Variants in RANBP3 observed in about 807,000 individuals in gnomAD.
The protein encoded by RANBP3 is ran-binding protein 3.
RANBP3 carries 14 observed loss-of-function variants against 77.3 expected under a neutral mutation model. The observed-to-expected ratio is 0.18, with a 90% CI of 0.12 to 0.28. The LOEUF is 0.28. Among genes scored for constraint, RANBP3 ranks in the 10% least tolerant of loss-of-function variants. RANBP3 has a pLI of 1.00. For synonymous variants in RANBP3, 315 were observed against 312.4 expected, an observed-to-expected ratio of 1.01 and a Z score of -0.09; for missense variants, 586 against 752.3, an observed-to-expected ratio of 0.78 and a Z score of 2.59.
rs1387099991 is a variant in RANBP3, at chr19:5,959,921, C to T, written c.23-1948G>A. Among the ~76,000 whole-genome samples, 1 of 152,178 alleles carries T rather than the reference C, an allele frequency of 6.6e-6. No individual in the cohort carries two copies. Among genetic ancestry groups the T allele is most frequent in the Non-Finnish European group, 1.5e-5 (1 of 68,032 alleles). On this transcript the variant is annotated intron_variant, in intron 1 of 16. Coordinates refer to ENST00000340578, the MANE Select transcript of RANBP3 (RefSeq NM_007322.3). The surrounding 1 kb of genome is among the most constrained non-coding windows in gnomAD (Gnocchi z 5.1). ...TTTAGGGAGCTACCCACCCCTCGTC[C>T]CCCTGTCCCCCAGTTCAGATGGAGC...
At chr19:5,939,509 A>G (rs2058106916) in intron 5 of RANBP3, among the ~76,000 whole-genome samples, 1 of 152,214 alleles carries the variant, frequency 6.6e-6, no homozygotes, top group South Asian at 2.1e-4. Context: ...GCCGGGGCTC[A>G]CTTGGCTCTG....
Position 5,952,520 on chromosome 19 carries a change from A to G in RANBP3, c.79-924T>C, listed in dbSNP as rs1019736561. 6.6e-6 allele frequency among the ~76,000 whole-genome samples: 1 copy of G among 152,106 alleles called. No individual in the cohort carries two copies. Among genetic ancestry groups the G allele is most frequent in the Non-Finnish European group, 1.5e-5 (1 of 68,030 alleles). On this transcript the variant is annotated intron_variant, in intron 2 of 16. Coordinates refer to ENST00000340578, the MANE Select transcript of RANBP3 (RefSeq NM_007322.3). The surrounding 1 kb of genome is among the most constrained non-coding windows in gnomAD (Gnocchi z 4.1). ...ATGGGTTAAACACCTGGTGTCCTAA[A>G]ACAGACTCCAGTCCCCAAACCTCCC...
Position 5,925,030 on chromosome 19 carries a change from C to T in RANBP3, c.918-125G>A, listed in dbSNP as rs956307610. 1.2e-4 allele frequency: 99 copies of T among 853,094 alleles called. No individual in the cohort carries two copies. In the Admixed American group the frequency reaches 1.2e-3, roughly 10 times the overall value. The allele number at this position is 853,094 out of a possible 1,614,324, so 52.8% of individuals were successfully genotyped here. On this transcript the variant is annotated intron_variant, in intron 10 of 16. Transcript: ENST00000340578. ...GTGGAGGGGCCTCCGCCACTGTGCA[C>T]GGGGTGGCGTGTCAGAGGCAGGAAG...
Position 5,918,654 on chromosome 19 carries a change from C to T in RANBP3, c.1331-16G>A. ...GTCCGCATCACTACAACCAACAAGG[C>T]CACTCAGCCCTGGCCCCCACACCGG... is the stretch of plus-strand genomic sequence containing the variant. On this transcript the variant is annotated splice_polypyrimidine_tract_variant and intron_variant, in intron 14 of 16. Transcript: ENST00000340578. 1 of 1,612,370 alleles carries T rather than the reference C, an allele frequency of 6.2e-7. No homozygotes were observed. Among genetic ancestry groups the T allele is most frequent in the South Asian group, 1.1e-5 (1 of 91,010 alleles).
At chr19:5,932,427 G>GAA in intron 7 of RANBP3, 25 bp downstream of exon 7, 5 of 1,603,524 alleles carry the variant, frequency 3.1e-6, no homozygotes, top group Non-Finnish European at 3.4e-6. Context: ...GTCTGGGCCT[G>GAA]GGCGCCAGGG....
intron 1 of RANBP3, among the ~76,000 whole-genome samples, chr19:5,967,207 G>A (rs1249370311): frequency 2.0e-5 from 3 of 152,190 alleles, no homozygotes; most frequent in African/African-American, 7.2e-5. Flanking sequence ...GTGGGACCCT[G>A]GATGACTCCG....
chr19:5,952,916 G>A lies in RANBP3; in HGVS notation c.79-1320C>T, dbSNP rs1185669180. Among the ~76,000 whole-genome samples the A allele has an allele frequency of 6.6e-6, 1 of 152,158 alleles. No homozygotes were observed. Among genetic ancestry groups the A allele is most frequent in the East Asian group, 1.9e-4 (1 of 5,184 alleles). On this transcript the variant is annotated intron_variant, in intron 2 of 16. Coordinates refer to ENST00000340578, the MANE Select transcript of RANBP3 (RefSeq NM_007322.3). The surrounding 1 kb of genome is among the most constrained non-coding windows in gnomAD (Gnocchi z 4.1). Reference sequence around the variant, plus strand: ...GTTCGTCCAGCCACCCATGTCTGTTGCTACTTGATGGTGAGAGACTTAACA... The same window carrying A: ...GTTCGTCCAGCCACCCATGTCTGTTACTACTTGATGGTGAGAGACTTAACA...
At position 5,924,924 on chromosome 19, in the gene RANBP3, A is replaced by C; in HGVS notation, c.918-19T>G. 6.2e-7 allele frequency: 1 copy of C among 1,608,056 alleles called. No individual in the cohort carries two copies. Among genetic ancestry groups the C allele is most frequent in the Non-Finnish European group, 8.5e-7 (1 of 1,174,484 alleles). On this transcript the variant is annotated intron_variant, in intron 10 of 16. Coordinates refer to ENST00000340578, the MANE Select transcript of RANBP3 (RefSeq NM_007322.3). The surrounding 1 kb of genome is among the most constrained non-coding windows in gnomAD (Gnocchi z 4.7). ...CTCTAAACTGAAGAGAAGATGTGCAATGAGTGTGGGGCGTCACGTGGGAAC... is the reference window on the plus strand; with the variant it reads ...CTCTAAACTGAAGAGAAGATGTGCACTGAGTGTGGGGCGTCACGTGGGAAC...
At position 5,928,092 on chromosome 19, in the gene RANBP3, C is replaced by CA. The variant is rs2057937289; in HGVS notation, c.694-6dup. 1 of 1,606,370 alleles carries CA rather than the reference C, an allele frequency of 6.2e-7. No individual in the cohort carries two copies. On this transcript the variant is annotated splice_region_variant and splice_polypyrimidine_tract_variant and intron_variant, in intron 8 of 16. Coordinates refer to ENST00000340578, the MANE Select transcript of RANBP3 (RefSeq NM_007322.3). ...ATTTTTCTGGGGCTCTTTCTCCTAT[C>CA]AAAAACCAAAACAAAACAGAGTAAT...
intron 12 of RANBP3, 151 bp downstream of exon 12, chr19:5,923,661 G>A (rs2057858927): frequency 3.1e-6 from 2 of 647,210 alleles, no homozygotes; most frequent in South Asian, 1.9e-5. Flanking sequence ...CTTGCTCACT[G>A]CAAGGCAGGG....
chr19:5,932,689 T>G (rs2058009988), intron 6 of RANBP3, 145 bp from the exon 7 acceptor site: 1 of 610,790 alleles, frequency 1.6e-6, no homozygotes, highest in South Asian at 2.0e-5. Flanking sequence ...TTGAGGTCTT[T>G]TTTTAACAGC....
chr19:5,928,085 C>T lies in RANBP3; in HGVS notation c.696G>A (p.Glu232=). 1 of 1,607,606 alleles carries T rather than the reference C, an allele frequency of 6.2e-7. No homozygotes were observed. The highest frequency in any genetic ancestry group is 2.2e-5 in the East Asian group (1 of 44,832). ...TGGACTCATTTTTCTGGGGCTCTTTCTCCTATCAAAAACCAAAACAAAACA... is the reference window on the plus strand; with the variant it reads ...TGGACTCATTTTTCTGGGGCTCTTTTTCCTATCAAAAACCAAAACAAAACA... ...EAADEVCALE[E]KEPQKNESSN... The change falls in exon 9 of 17, where the codon GAG becomes GAA. Residue 232 remains glutamate, a splice_region_variant and synonymous_variant. Transcript: ENST00000340578.
At chr19:5,966,536 T>C (rs2058469831) in intron 1 of RANBP3, among the ~76,000 whole-genome samples, 1 of 152,220 alleles carries the variant, frequency 6.6e-6, no homozygotes, top group African/African-American at 2.4e-5. Flanking sequence ...TCTCTCCTCT[T>C]CCGTATAAAC....
At chr19:5,943,129 T>G (rs961118092) in intron 3 of RANBP3, among the ~76,000 whole-genome samples, 2 of 152,170 alleles carry the variant, frequency 1.3e-5, no homozygotes, top group Non-Finnish European at 1.5e-5. Context: ...AGCGCACCGA[T>G]GAGTGAGGGC....
At chr19:5,936,998 G>C (rs890169738) in intron 5 of RANBP3, among the ~76,000 whole-genome samples, 1 of 134,284 alleles carries the variant, frequency 7.4e-6, no homozygotes. Context: ...AGAGGGTGCA[G>C]TGAGCCAAGA....
At chr19:5,962,846 C>A in intron 1 of RANBP3, 2 of 434,326 alleles carry the variant, frequency 4.6e-6, no homozygotes, top group South Asian at 3.3e-5. Context: ...CCCACTGCCC[C>A]CGACCACCAG....
chr19:5,932,028 C>T (rs1415990807), intron 7 of RANBP3, among the ~76,000 whole-genome samples: 1 of 151,926 alleles, frequency 6.6e-6, no homozygotes, highest in African/African-American at 2.4e-5. Flanking sequence ...GAGCAAGACC[C>T]CATCTCCAAA....
Position 5,971,337 on chromosome 19 carries a change from C to CT in RANBP3, c.22+6723dup, listed in dbSNP as rs974182825. ...AATAGAAGATAGCTGAATTCTCTCT[C>CT]TTTTTTTTTTATTAAAGAGAGGGGC... On this transcript the variant is annotated intron_variant, in intron 1 of 16. Transcript: ENST00000340578. 9.1e-4 allele frequency among the ~76,000 whole-genome samples: 136 copies of CT among 149,278 alleles called. 1 individual carries two copies. Among genetic ancestry groups the CT allele is most frequent in the Middle Eastern group, 3.4e-3 (1 of 294 alleles).
intron 1 of RANBP3, chr19:5,974,268 C>G (rs933950675): frequency 2.0e-5 from 3 of 152,250 alleles, no homozygotes; most frequent in Admixed American, 6.5e-5. Flanking sequence ...GTTTCCACCA[C>G]GCATGTCCAC....
Sources: allele counts gnomAD v4.1 joint callset (sites outside exome capture counted in the v4.1 genomes callset), GRCh38; gene constraint gnomAD v4.1.1; non-coding constraint Gnocchi (gnomAD v3.1); transcripts MANE v1.5; gene names NCBI Gene and HGNC (gene_info 2026-07-23, HGNC 2026-07-21).